The following CHN1 variants were observed in gnomAD, a reference collection of about 807,000 sequenced individuals.
CHN1 encodes N-chimaerin.
A neutral mutation model predicts 59.5 loss-of-function variants in CHN1; 37 were observed. The observed-to-expected ratio is 0.62, with a 90% CI of 0.48 to 0.82. The LOEUF is 0.82. Among genes scored for constraint, CHN1 ranks in the 40% least tolerant of loss-of-function variants. The probability of loss-of-function intolerance (pLI) is 0.00; values close to 1 mark genes in which losing one functional copy is unlikely to be tolerated. For missense variants in CHN1, 469 were observed against 571.0 expected (o/e 0.82, Z 1.82); for synonymous variants, 206 against 200.4 (o/e 1.03, Z -0.24).
At chr2:174,927,020 A>T (rs898074776) in intron 3 of CHN1, among the ~76,000 whole-genome samples, 1 of 152,000 alleles carries the variant, frequency 6.6e-6, no homozygotes, top group Non-Finnish European at 1.5e-5. Context: ...AGCCTTCCAA[A>T]GTCCTGAGAT....
chr2:174,952,775 T>G (rs1467550295), intron 1 of CHN1, among the ~76,000 whole-genome samples: 1 of 151,892 alleles, frequency 6.6e-6, no homozygotes, highest in Non-Finnish European at 1.5e-5. Context: ...TGGAAGAGAG[T>G]GTATCTAGGG....
chr2:174,953,835 T>C lies in CHN1; in HGVS notation c.20-1633A>G, dbSNP rs577152804. Among the ~76,000 whole-genome samples, 7 of 152,260 alleles carry C rather than the reference T, an allele frequency of 4.6e-5. No individual in the cohort carries two copies. In the East Asian group the frequency reaches 5.8e-4, roughly 13 times the overall value. On this transcript the variant is annotated intron_variant, in intron 1 of 12. Coordinates refer to ENST00000409900, the MANE Select transcript of CHN1 (RefSeq NM_001822.7). ...AACACATCCCATGCTCACGGATGCA[T>C]AGCATCAATATTGTGAAAATGACCA...
At chr2:174,979,648 AC>A (rs1208452977) in intron 1 of CHN1, among the ~76,000 whole-genome samples, 1 of 152,098 alleles carries the variant, frequency 6.6e-6, no homozygotes, top group African/African-American at 2.4e-5. Context: ...CCCCATCTCT[AC>A]TGGCGGGTGG....
At chr2:174,860,202 A>C (rs1243809259) in intron 6 of CHN1, among the ~76,000 whole-genome samples, 1 of 152,152 alleles carries the variant, frequency 6.6e-6, no homozygotes, top group African/African-American at 2.4e-5. Flanking sequence ...AACTAATTAA[A>C]CTGTTTTTAG....
intron 5 of CHN1, among the ~76,000 whole-genome samples, chr2:174,879,905 T>G (rs1687684750): frequency 6.6e-6 from 1 of 152,102 alleles, no homozygotes; most frequent in African/African-American, 2.4e-5. Flanking sequence ...CTGAGAAGTA[T>G]GGGGGGCACA....
At chr2:174,848,365 G>A (rs1206753109) in intron 6 of CHN1, among the ~76,000 whole-genome samples, 1 of 150,508 alleles carries the variant, frequency 6.6e-6, no homozygotes, top group Non-Finnish European at 1.5e-5. Context: ...GTGGCTAGGT[G>A]AGAGACTTAG....
chr2:174,875,136 A>G (rs1687527724), intron 6 of CHN1, among the ~76,000 whole-genome samples: 1 of 152,112 alleles, frequency 6.6e-6, no homozygotes, highest in Non-Finnish European at 1.5e-5. Context: ...TGGCCTCCCA[A>G]TGTGCTGGGA....
intron 5 of CHN1, among the ~76,000 whole-genome samples, chr2:174,885,311 G>A (rs1687865385): frequency 6.6e-6 from 1 of 150,680 alleles, no homozygotes; most frequent in Non-Finnish European, 1.5e-5. Context: ...TATAGAGAGA[G>A]AGAAATTACA....
intron 1 of CHN1, among the ~76,000 whole-genome samples, chr2:174,964,096 T>C (rs1172142503): frequency 6.6e-6 from 1 of 152,218 alleles, no homozygotes; most frequent in African/African-American, 2.4e-5. Context: ...TGTATGTGCA[T>C]GTGTACACAG....
chr2:174,957,868 C>A (rs1224218749), intron 1 of CHN1, among the ~76,000 whole-genome samples: 1 of 152,100 alleles, frequency 6.6e-6, no homozygotes, highest in African/African-American at 2.4e-5. Context: ...TAACTTGGGG[C>A]TTTGGGTCAC....
At chr2:174,852,144 C>T (rs1686752051) in intron 6 of CHN1, among the ~76,000 whole-genome samples, 1 of 151,666 alleles carries the variant, frequency 6.6e-6, no homozygotes, top group Non-Finnish European at 1.5e-5. Flanking sequence ...CAAAAATTAG[C>T]CGGGTGTGGT....
At chr2:175,001,853 A>AT (rs1691900603) in intron 1 of CHN1, among the ~76,000 whole-genome samples, 1 of 152,204 alleles carries the variant, frequency 6.6e-6, no homozygotes, top group African/African-American at 2.4e-5. Context: ...CAATCAGGAC[A>AT]TTTTGTCAGG....
At chr2:174,880,697 C>T (rs1687704242) in intron 5 of CHN1, among the ~76,000 whole-genome samples, 1 of 152,118 alleles carries the variant, frequency 6.6e-6, no homozygotes, top group Non-Finnish European at 1.5e-5. Context: ...CGCTTGGTAA[C>T]CCCAGTGGTA....
At chr2:174,849,163 C>T (rs1686643466) in intron 6 of CHN1, among the ~76,000 whole-genome samples, 1 of 152,132 alleles carries the variant, frequency 6.6e-6, no homozygotes. Context: ...TTTTGATCAA[C>T]ATCCTATTTT....
At chr2:174,847,041 T>C in intron 6 of CHN1, 84 bp from the exon 7 acceptor site, 1 of 1,551,630 alleles carries the variant, frequency 6.4e-7, no homozygotes. Context: ...AAGGCTGCTA[T>C]CAATAAATCT....
chr2:174,861,380 C>T (rs936274405), intron 6 of CHN1, among the ~76,000 whole-genome samples: 1 of 152,168 alleles, frequency 6.6e-6, no homozygotes, highest in Non-Finnish European at 1.5e-5. Flanking sequence ...TATAGCTTAA[C>T]ACAAGGCTTG....
At chr2:174,846,381 G>A (rs773666187) in intron 7 of CHN1, 3 of 1,547,650 alleles carry the variant, frequency 1.9e-6, no homozygotes, top group South Asian at 2.4e-5. Context: ...ACAGTCCCAT[G>A]GTAGCCATCC....
At chr2:174,883,227 T>C (rs986258476) in intron 5 of CHN1, among the ~76,000 whole-genome samples, 1 of 152,150 alleles carries the variant, frequency 6.6e-6, no homozygotes, top group Non-Finnish European at 1.5e-5. Flanking sequence ...CCTAATCCTG[T>C]CCCTATTGTT....
At chr2:174,909,908 T>C (rs1286623065) in intron 5 of CHN1, among the ~76,000 whole-genome samples, 2 of 152,186 alleles carry the variant, frequency 1.3e-5, no homozygotes, top group African/African-American at 4.8e-5. Flanking sequence ...GGGATTATTA[T>C]CCCTGTTTTA....
Sources: allele counts gnomAD v4.1 joint callset (sites outside exome capture counted in the v4.1 genomes callset), GRCh38; gene constraint gnomAD v4.1.1; transcripts MANE v1.5; gene names NCBI Gene and HGNC (gene_info 2026-07-23, HGNC 2026-07-21).